Variants in DNAH9 observed in about 807,000 individuals in gnomAD.
DNAH9 encodes dynein axonemal heavy chain 9, also known as DNAH9 variant protein.
Under a neutral mutation model 471.6 loss-of-function variants are expected in DNAH9, and 345 were observed. The ratio of observed to expected loss-of-function variants is 0.73; its 90% confidence interval spans 0.67 to 0.80. DNAH9 has a LOEUF of 0.80. DNAH9 is among the 30% of genes least tolerant of loss of function. The pLI is 0.00. For missense variants in DNAH9, 5,407 were observed against 5,609.2 expected (o/e 0.96, Z 1.15); for synonymous variants, 2,093 against 2,123.6 (o/e 0.99, Z 0.40).
chr17:11,699,032 C>T (rs549206425), intron 22 of DNAH9, among the ~76,000 whole-genome samples: 118 of 152,044 alleles, frequency 7.8e-4, no homozygotes, highest in Non-Finnish European at 1.4e-3. Flanking sequence ...GGGCGGATCA[C>T]GAGATCAGGA....
Position 11,598,881 on chromosome 17 carries a change from C to T in DNAH9, c.383C>T (p.Ala128Val), listed in dbSNP as rs775905694. 40 of 1,541,882 alleles carry T rather than the reference C, an allele frequency of 2.6e-5. No individual in the cohort carries two copies. In the South Asian group the frequency reaches 4.1e-4, roughly 16 times the overall value. The change falls in exon 1 of 69, where the codon GCA becomes GTA. Residue 128 changes from alanine to valine, a missense_variant. Coordinates refer to ENST00000262442, the MANE Select transcript of DNAH9 (RefSeq NM_001372.4). ...GAVVCGDLPA[A>V]PLEHLAALFS... ...GTGGTCTGCGGGGACCTGCCCGCGG[C>T]ACCTCTGGAGCACCTAGCCGCGCTG...
intron 61 of DNAH9, among the ~76,000 whole-genome samples, chr17:11,919,721 C>T (rs1038488714): frequency 1.3e-5 from 2 of 151,714 alleles, no homozygotes; most frequent in Non-Finnish European, 2.9e-5. Flanking sequence ...GTAGTAAGTG[C>T]GGAAGTAGAA....
intron 5 of DNAH9, among the ~76,000 whole-genome samples, chr17:11,618,362 C>T (rs1397217951): frequency 3.3e-5 from 5 of 151,834 alleles, no homozygotes; most frequent in South Asian, 2.1e-4. Context: ...CTGAGGCGGG[C>T]AGATCACGAG....
At chr17:11,648,651 G>A (rs2073440468) in intron 12 of DNAH9, among the ~76,000 whole-genome samples, 1 of 151,934 alleles carries the variant, frequency 6.6e-6, no homozygotes, top group Non-Finnish European at 1.5e-5. Flanking sequence ...CTTTATAGAT[G>A]TTTGCAGGCC....
Position 11,962,298 on chromosome 17 carries a change from G to A in DNAH9, c.13233+42G>A, listed in dbSNP as rs755866450. 18 of 1,531,056 alleles carry A rather than the reference G, an allele frequency of 1.2e-5. No individual in the cohort carries two copies. In the Middle Eastern group the frequency reaches 6.3e-4, roughly 53 times the overall value. 94.8% of individuals were successfully genotyped at this position (1,531,056 alleles called of 1,614,324 possible). On this transcript the variant is annotated intron_variant, in intron 68 of 68. Transcript: ENST00000262442. This position sits in a 1 kb window ranked among gnomAD's most constrained non-coding sequence, Gnocchi z 4.1. ...ACCAAAGGGCAGCTTTCTGGGGGCT[G>A]ATTAAATACACATTGCTTCCTATGA...
intron 39 of DNAH9, among the ~76,000 whole-genome samples, chr17:11,781,831 T>TAAAAAAAAA (rs751229321): frequency 3.7e-5 from 4 of 108,608 alleles, no homozygotes; most frequent in African/African-American, 9.4e-5. Flanking sequence ...GACTCCATCT[T>TAAAAAAAAA]AAAAAAAAAA....
chr17:11,965,599 A>G (rs185605201), intron 68 of DNAH9, among the ~76,000 whole-genome samples: 1 of 152,354 alleles, frequency 6.6e-6, no homozygotes, highest in East Asian at 1.9e-4. Context: ...ACAAGGAAGA[A>G]AGCAATCAAC....
At chr17:11,762,773 T>TTG (rs1869657119) in intron 35 of DNAH9, among the ~76,000 whole-genome samples, 2 of 109,224 alleles carry the variant, frequency 1.8e-5, no homozygotes, top group East Asian at 2.4e-4. Context: ...TTTTTTTGTT[T>TTG]TTTTTTTTTT....
chr17:11,633,785 C>T (rs1167617667), intron 8 of DNAH9, among the ~76,000 whole-genome samples: 2 of 152,248 alleles, frequency 1.3e-5, no homozygotes, highest in Non-Finnish European at 2.9e-5. Flanking sequence ...CAGACCTACA[C>T]ATCACATAGA....
Position 11,617,430 on chromosome 17 carries a change from C to T in DNAH9, c.924C>T (p.Asp308=). Residue 308 remains aspartate, a synonymous_variant, in exon 5 of 69, where the codon GAC becomes GAT. Transcript: ENST00000262442. ...DVVAALAEAQ[D]IHVHLIPLQR... is the part of the protein sequence containing the mutation. The stretch of plus-strand genomic sequence containing the variant: ...TTCCAGCTCTAGCAGAGGCACAGGA[C>T]ATCCATGTGCACCTGATACCGCTCC... The T allele has an allele frequency of 6.2e-7, 1 of 1,613,212 alleles. No individual in the cohort carries two copies. The highest frequency in any genetic ancestry group is 1.1e-5 in the South Asian group (1 of 91,052).
chr17:11,952,344 T>C (rs1260642894), intron 67 of DNAH9, among the ~76,000 whole-genome samples: 3 of 128,554 alleles, frequency 2.3e-5, no homozygotes, highest in Non-Finnish European at 4.8e-5. Flanking sequence ...TTTTGGTAGA[T>C]ACCAGGCCTC....
At chr17:11,864,066 T>C (rs1382288561) in intron 50 of DNAH9, among the ~76,000 whole-genome samples, 1 of 151,472 alleles carries the variant, frequency 6.6e-6, no homozygotes, top group Non-Finnish European at 1.5e-5. Context: ...TCTGCTAGCT[T>C]TTAAATGTGT....
intron 22 of DNAH9, 86 bp downstream of exon 22, chr17:11,694,533 CTT>C: frequency 6.8e-7 from 1 of 1,463,158 alleles, no homozygotes; most frequent in Non-Finnish European, 9.5e-7. Context: ...CATCATGCCT[CTT>C]CTCTCTGGCA....
intron 38 of DNAH9, among the ~76,000 whole-genome samples, chr17:11,778,852 CA>C (rs1285339577): frequency 6.6e-6 from 1 of 151,738 alleles, no homozygotes; most frequent in African/African-American, 2.4e-5. Context: ...ACTAAAAACA[CA>C]AAATTAGCCA....
At chr17:11,775,158 A>G (rs771381296) in intron 38 of DNAH9, among the ~76,000 whole-genome samples, 7 of 152,176 alleles carry the variant, frequency 4.6e-5, no homozygotes, top group Non-Finnish European at 1.0e-4. Flanking sequence ...TCTTTCACTC[A>G]GCATGATTTT....
intron 26 of DNAH9, among the ~76,000 whole-genome samples, chr17:11,715,186 A>G (rs1160521033): frequency 6.6e-6 from 1 of 152,204 alleles, no homozygotes; most frequent in Non-Finnish European, 1.5e-5. Context: ...TATTTGCTTT[A>G]TCTTCCAGTT....
At chr17:11,845,455 G>A (rs1000264207) in intron 49 of DNAH9, among the ~76,000 whole-genome samples, 65 of 150,820 alleles carry the variant, frequency 4.3e-4, no homozygotes, top group South Asian at 4.2e-4. Context: ...GAATAATGCC[G>A]CAATAAACAT....
chr17:11,883,443 C>G, intron 55 of DNAH9, 143 bp from the exon 56 acceptor site: 1 of 1,176,586 alleles, frequency 8.5e-7, no homozygotes, highest in Non-Finnish European at 1.2e-6. Flanking sequence ...TCCTTGTCTC[C>G]TGCTCATGGT....
intron 52 of DNAH9, among the ~76,000 whole-genome samples, chr17:11,873,123 A>G (rs1446452401): frequency 6.6e-6 from 1 of 152,244 alleles, no homozygotes; most frequent in Non-Finnish European, 1.5e-5. Context: ...TTAAAATGCT[A>G]GCAAATAAAC....
Sources: allele counts gnomAD v4.1 joint callset (sites outside exome capture counted in the v4.1 genomes callset), GRCh38; gene constraint gnomAD v4.1.1; non-coding constraint Gnocchi (gnomAD v3.1); transcripts MANE v1.5; gene names NCBI Gene and HGNC (gene_info 2026-07-23, HGNC 2026-07-21).